The following PPARGC1B variants were observed in gnomAD, a reference collection of about 807,000 sequenced individuals.
PPARGC1B encodes the protein peroxisome proliferator-activated receptor gamma coactivator 1-beta.
A neutral mutation model predicts 101.6 loss-of-function variants in PPARGC1B; 34 were observed. The observed-to-expected ratio is 0.33, with a 90% CI of 0.25 to 0.45. PPARGC1B has a LOEUF of 0.45. Among genes scored for constraint, PPARGC1B ranks in the 20% least tolerant of loss-of-function variants. The pLI, the probability that PPARGC1B is intolerant of heterozygous loss-of-function variation, is 1.00. For missense variants in PPARGC1B, 1,234 were observed against 1,317.6 expected, an observed-to-expected ratio of 0.94 and a Z score of 0.98; for synonymous variants, 548 against 539.3, an observed-to-expected ratio of 1.02 and a Z score of -0.22.
intron 7 of PPARGC1B, 21 bp downstream of exon 7, chr5:149,835,386 T>G: frequency 6.2e-7 from 1 of 1,610,104 alleles, no homozygotes; most frequent in Non-Finnish European, 8.5e-7. Context: ...GGGCTTCCAC[T>G]GGCAGGTGCC....
chr5:149,823,175 A>G (rs1419053584), intron 2 of PPARGC1B, among the ~76,000 whole-genome samples: 1 of 152,114 alleles, frequency 6.6e-6, no homozygotes, highest in Non-Finnish European at 1.5e-5. Flanking sequence ...TTTTGTGACA[A>G]TTTGCCATGT....
At chr5:149,747,209 T>C (rs1200350746) in intron 1 of PPARGC1B, among the ~76,000 whole-genome samples, 2 of 152,256 alleles carry the variant, frequency 1.3e-5, no homozygotes, top group African/African-American at 2.4e-5. Flanking sequence ...TTTGTTTTTT[T>C]CTAAGAGTTT....
chr5:149,798,297 A>T (rs1186776454), intron 1 of PPARGC1B, among the ~76,000 whole-genome samples: 1 of 152,264 alleles, frequency 6.6e-6, no homozygotes, highest in East Asian at 1.9e-4. Flanking sequence ...GAAAAAATTA[A>T]TCCAGCATTT....
In PPARGC1B at chr5:149,837,146, G is replaced by C; in HGVS notation, c.2618+73G>C. On this transcript the variant is annotated intron_variant, in intron 8 of 11. Coordinates refer to ENST00000309241, the MANE Select transcript of PPARGC1B (RefSeq NM_133263.4). This position sits in a 1 kb window ranked among gnomAD's most constrained non-coding sequence, Gnocchi z 4.2. ...AGTTCCCGGGGAGCCAGGAGCCCCA[G>C]GAGGGAGGATCCCTGGGAAGCTTGC... 1.3e-6 allele frequency: 2 copies of C among 1,523,404 alleles called. No homozygotes were observed. The highest frequency in any genetic ancestry group is 1.8e-6 in the Non-Finnish European group (2 of 1,137,670). 94.4% of individuals were successfully genotyped at this position (1,523,404 alleles called of 1,614,324 possible).
At chr5:149,780,851 G>A (rs1013180354) in intron 1 of PPARGC1B, among the ~76,000 whole-genome samples, 30 of 152,214 alleles carry the variant, frequency 2.0e-4, no homozygotes, top group African/African-American at 6.0e-4. Context: ...ACATTGGCAC[G>A]GGAGAGGCGT....
At chr5:149,825,437 C>G (rs79813975) in intron 2 of PPARGC1B, among the ~76,000 whole-genome samples, 2,174 of 152,330 alleles carry the variant, frequency 0.014, 39 homozygotes, top group African/African-American at 0.048. Context: ...GTGCCTCTGG[C>G]CTTTGATTGG....
At chr5:149,797,061 A>G (rs889165645) in intron 1 of PPARGC1B, among the ~76,000 whole-genome samples, 13 of 152,136 alleles carry the variant, frequency 8.5e-5, no homozygotes, top group Admixed American at 6.5e-4. Context: ...CCCTCGCCCA[A>G]CAGCTTGGAG....
Position 149,847,650 on chromosome 5 carries a change from G to A in PPARGC1B, c.*92G>A. 1 of 932,276 alleles carries A rather than the reference G, an allele frequency of 1.1e-6. No homozygotes were observed. Among genetic ancestry groups the A allele is most frequent in the South Asian group, 1.5e-5 (1 of 65,498 alleles). The allele number at this position is 932,276 out of a possible 1,614,324, so 57.8% of individuals were successfully genotyped here. A position where few individuals can be genotyped will look rare whatever the true frequency, so the allele number is the denominator to read the frequency against. Reference sequence around the variant, plus strand: ...TTCAAAGAAATCAAGTATATGAGGAGAGCGAGCGAGCGTGAGAGAACACCC... The same window carrying A: ...TTCAAAGAAATCAAGTATATGAGGAAAGCGAGCGAGCGTGAGAGAACACCC... On this transcript the variant is annotated 3_prime_UTR_variant, in exon 12 of 12. Transcript: ENST00000309241.
At chr5:149,746,184 C>T (rs766023886) in intron 1 of PPARGC1B, among the ~76,000 whole-genome samples, 4 of 152,160 alleles carry the variant, frequency 2.6e-5, no homozygotes, top group Non-Finnish European at 5.9e-5. Context: ...GGCCTTTGCA[C>T]TTGCTGTTCC....
chr5:149,808,274 T>A (rs1281807269), intron 1 of PPARGC1B, among the ~76,000 whole-genome samples: 1 of 152,184 alleles, frequency 6.6e-6, no homozygotes, highest in African/African-American at 2.4e-5. Flanking sequence ...CAGCCCCAGC[T>A]CCACCTCCCA....
chr5:149,739,157 A>G (rs556286992), intron 1 of PPARGC1B, among the ~76,000 whole-genome samples: 1 of 152,356 alleles, frequency 6.6e-6, no homozygotes. Context: ...AGAAGTAGAC[A>G]GTAGAGAGAA....
At chr5:149,836,209 T>G in intron 7 of PPARGC1B, 54 bp from the exon 8 acceptor site, 1 of 1,427,254 alleles carries the variant, frequency 7.0e-7, no homozygotes, top group East Asian at 2.3e-5. Context: ...GGTCTTAGTG[T>G]CCCTTGGAGA....
chr5:149,828,779 G>T (rs1417431522), intron 3 of PPARGC1B, among the ~76,000 whole-genome samples: 2 of 152,218 alleles, frequency 1.3e-5, no homozygotes, highest in Non-Finnish European at 2.9e-5. Flanking sequence ...GGGCACAGTG[G>T]CTTATACCTG....
At chr5:149,855,842 C>T (rs562107295), downstream of PPARGC1B, among the ~76,000 whole-genome samples, 9 of 152,270 alleles carry the variant, frequency 5.9e-5, no homozygotes, top group African/African-American at 1.7e-4. Context: ...ACAGGCTGGG[C>T]GCGGTGGCTC....
At chr5:149,761,641 A>G (rs1388379338) in intron 1 of PPARGC1B, 2 of 152,348 alleles carry the variant, frequency 1.3e-5, no homozygotes, top group South Asian at 2.1e-4. Context: ...ATATTATGCA[A>G]CCTTAAGAAA....
At chr5:149,744,312 T>G (rs1755012046) in intron 1 of PPARGC1B, among the ~76,000 whole-genome samples, 1 of 152,164 alleles carries the variant, frequency 6.6e-6, no homozygotes, top group Admixed American at 6.5e-5. Context: ...AGCAGCACAT[T>G]GGTTCTGTTA....
intron 1 of PPARGC1B, among the ~76,000 whole-genome samples, chr5:149,736,542 G>A (rs1471591257): frequency 6.6e-6 from 1 of 152,078 alleles, no homozygotes; most frequent in Non-Finnish European, 1.5e-5. Flanking sequence ...AGAATCGATT[G>A]GATTGATCTT....
Position 149,837,402 on chromosome 5 carries a change from T to C in PPARGC1B, c.2618+329T>C, listed in dbSNP as rs1445080421. On this transcript the variant is annotated intron_variant, in intron 8 of 11. Transcript: ENST00000309241. This position sits in a 1 kb window ranked among gnomAD's most constrained non-coding sequence, Gnocchi z 4.2. Reference sequence around the variant, plus strand: ...TCCCTTATCCATTTGTACTTTTTGCTTTTATGTTTGTAAAATGGATAAGTT... The same window carrying C: ...TCCCTTATCCATTTGTACTTTTTGCCTTTATGTTTGTAAAATGGATAAGTT... Among the ~76,000 whole-genome samples, 1 of 152,260 alleles carries C rather than the reference T, an allele frequency of 6.6e-6. No homozygotes were observed. Among genetic ancestry groups the C allele is most frequent in the Non-Finnish European group, 1.5e-5 (1 of 68,044 alleles).
intron 8 of PPARGC1B, 127 bp from the exon 9 acceptor site, chr5:149,839,914 A>G: frequency 3.3e-6 from 3 of 918,350 alleles, no homozygotes; most frequent in South Asian, 2.9e-5. Context: ...TGCGGGAGGC[A>G]GTTCCAGCTG....
Sources: gnomAD v4.1 joint callset for allele counts (sites outside exome capture counted in the v4.1 genomes callset) on GRCh38, gnomAD v4.1.1 for gene constraint, Gnocchi (gnomAD v3.1) non-coding constraint, MANE v1.5 for transcripts, NCBI Gene and HGNC (gene_info 2026-07-23, HGNC 2026-07-21) for gene names.